The following OSBPL1A variants were observed in gnomAD, a reference collection of about 807,000 sequenced individuals.
OSBPL1A encodes oxysterol binding protein like 1A.
OSBPL1A carries 80 observed loss-of-function variants against 137.1 expected under a neutral mutation model. The ratio of observed to expected loss-of-function variants is 0.58; its 90% confidence interval spans 0.49 to 0.70. OSBPL1A has a LOEUF of 0.70. Among genes scored for constraint, OSBPL1A ranks in the 30% least tolerant of loss-of-function variants. OSBPL1A has a pLI of 0.00. For synonymous variants in OSBPL1A, 365 were observed against 389.7 expected (o/e 0.94, Z 0.75); for missense variants, 970 against 1,129.4 (o/e 0.86, Z 2.02).
At chr18:24,350,342 G>A (rs1041415009) in intron 4 of OSBPL1A, among the ~76,000 whole-genome samples, 1 of 152,204 alleles carries the variant, frequency 6.6e-6, no homozygotes, top group African/African-American at 2.4e-5. Flanking sequence ...GAAGAAATCT[G>A]AGTATTTGAG....
intron 15 of OSBPL1A, among the ~76,000 whole-genome samples, chr18:24,273,393 CA>C: frequency 1.3e-5 from 2 of 152,270 alleles, no homozygotes; most frequent in Admixed American, 1.3e-4. Flanking sequence ...AAACAATGAA[CA>C]ACAAATTACC....
At chr18:24,315,446 A>G (rs958334032) in intron 11 of OSBPL1A, among the ~76,000 whole-genome samples, 7 of 151,560 alleles carry the variant, frequency 4.6e-5, no homozygotes, top group African/African-American at 1.7e-4. Context: ...CCCAAGACAC[A>G]TAGCTCATAA....
At chr18:24,226,730 C>G (rs560091585) in intron 16 of OSBPL1A, among the ~76,000 whole-genome samples, 1 of 152,256 alleles carries the variant, frequency 6.6e-6, no homozygotes, top group Admixed American at 6.5e-5. Context: ...TTAGATAATG[C>G]ACCTTTGGCT....
chr18:24,172,542 T>C (rs2086315662), intron 21 of OSBPL1A, 59 bp from the exon 22 acceptor site: 1 of 1,231,294 alleles, frequency 8.1e-7, no homozygotes, highest in Non-Finnish European at 1.2e-6. Flanking sequence ...GTTTAAAAAG[T>C]ACACTTGTTC....
At chr18:24,339,061 T>G (rs2091231058) in intron 5 of OSBPL1A, among the ~76,000 whole-genome samples, 1 of 152,008 alleles carries the variant, frequency 6.6e-6, no homozygotes. Context: ...AACTTCCGCC[T>G]CCCGGGTTCA....
chr18:24,388,058 A>G (rs1907056923), intron 1 of OSBPL1A, among the ~76,000 whole-genome samples: 1 of 152,074 alleles, frequency 6.6e-6, no homozygotes, highest in Admixed American at 6.6e-5. Context: ...AGAACTTTTA[A>G]ATGTTATAAG....
intron 5 of OSBPL1A, among the ~76,000 whole-genome samples, chr18:24,336,973 AG>A (rs1416633456): frequency 6.6e-6 from 1 of 152,176 alleles, no homozygotes; most frequent in Non-Finnish European, 1.5e-5. Flanking sequence ...TTAATTACAA[AG>A]GGAAAAGATG....
intron 19 of OSBPL1A, among the ~76,000 whole-genome samples, chr18:24,180,461 TTGTGTGTGTGTGTGTG>T (rs57229701): frequency 6.7e-6 from 1 of 150,140 alleles, no homozygotes; most frequent in East Asian, 2.0e-4. Context: ...TTTTTCTATT[TTGTGTGTGTGTGTGTG>T]TGTGTGTATG....
At chr18:24,358,430 C>G (rs571705368) in intron 4 of OSBPL1A, 2 of 701,394 alleles carry the variant, frequency 2.9e-6, no homozygotes, top group Non-Finnish European at 5.2e-6. Flanking sequence ...TCTTCCCCAC[C>G]CTCGTGCACA....
intron 1 of OSBPL1A, among the ~76,000 whole-genome samples, chr18:24,381,392 G>A (rs1010098911): frequency 2.6e-5 from 4 of 152,188 alleles, no homozygotes; most frequent in Non-Finnish European, 5.9e-5. Flanking sequence ...GCTAAAACCG[G>A]ATTTTACAAG....
intron 16 of OSBPL1A, among the ~76,000 whole-genome samples, chr18:24,236,911 G>A (rs893015002): frequency 2.0e-5 from 3 of 152,112 alleles, no homozygotes; most frequent in South Asian, 2.1e-4. Flanking sequence ...GCTGCTAGAC[G>A]TCTATCAAGA....
chr18:24,165,050 G>A lies in OSBPL1A; in HGVS notation c.2750+15C>T. 9 of 1,613,754 alleles carry A rather than the reference G, an allele frequency of 5.6e-6. 1 individual carries two copies. Among genetic ancestry groups the A allele is most frequent in the Non-Finnish European group, 6.8e-6 (8 of 1,179,786 alleles). ...GCCTGAGGGCTCAGCCACACCCCCT[G>A]ACTCAGGCACGCACCTCGTCTTCCA... On this transcript the variant is annotated intron_variant, in intron 27 of 27. Coordinates refer to ENST00000319481, the MANE Select transcript of OSBPL1A (RefSeq NM_080597.4).
chr18:24,280,598 A>G lies in OSBPL1A; in HGVS notation c.1281+244T>C, dbSNP rs565227703. ...GAAGTGTCATAACAATCCTGAGTAGATCAATTTTAAGTATACTTATTAAAT... is the reference window on the plus strand; with the variant it reads ...GAAGTGTCATAACAATCCTGAGTAGGTCAATTTTAAGTATACTTATTAAAT... On this transcript the variant is annotated intron_variant, in intron 15 of 27. Transcript: ENST00000319481. Among the ~76,000 whole-genome samples, 6 of 152,346 alleles carry G rather than the reference A, an allele frequency of 3.9e-5. No individual in the cohort carries two copies. The South Asian group carries it at 1.2e-3, about 32-fold the overall frequency.
chr18:24,237,028 C>T (rs1599542996), intron 16 of OSBPL1A, among the ~76,000 whole-genome samples: 1 of 152,062 alleles, frequency 6.6e-6, no homozygotes, highest in East Asian at 1.9e-4. Flanking sequence ...ATTTCTAAGA[C>T]AAGTTGTCAG....
In OSBPL1A at chr18:24,312,845, A is replaced by G. The variant is rs1178160568; in HGVS notation, c.970-739T>C. 3.3e-5 allele frequency among the ~76,000 whole-genome samples: 5 copies of G among 152,256 alleles called. No homozygotes were observed. The East Asian group carries it at 7.7e-4, about 23-fold the overall frequency. On this transcript the variant is annotated intron_variant, in intron 12 of 27. Transcript: ENST00000319481. The stretch of plus-strand genomic sequence containing the variant: ...ATGAACACTGCTTTGATTTAAAAGA[A>G]TAAGAATAGGCCTGCCGCGGTGGCT...
chr18:24,330,268 G>A (rs2091052345), intron 7 of OSBPL1A, among the ~76,000 whole-genome samples: 1 of 151,944 alleles, frequency 6.6e-6, no homozygotes, highest in African/African-American at 2.4e-5. Flanking sequence ...CAGCAAACTG[G>A]GGATTTCACC....
intron 24 of OSBPL1A, among the ~76,000 whole-genome samples, chr18:24,167,886 C>G (rs1467151423): frequency 6.6e-6 from 1 of 152,182 alleles, no homozygotes; most frequent in Non-Finnish European, 1.5e-5. Context: ...GACACTGTGA[C>G]TTTCTAATTC....
Position 24,181,257 on chromosome 18 carries a change from G to A in OSBPL1A, c.1700C>T (p.Pro567Leu). 1 of 1,614,052 alleles carries A rather than the reference G, an allele frequency of 6.2e-7. No individual in the cohort carries two copies. Among genetic ancestry groups the A allele is most frequent in the Non-Finnish European group, 8.5e-7 (1 of 1,179,998 alleles). The change falls in exon 19 of 28, where the codon CCA (proline) becomes CTA (leucine). Residue 567 changes from proline (P) to leucine (L), a missense_variant. Around this residue, in one of 2 missense-constraint regions of OSBPL1A, gnomAD observed 647 missense variants for 672.6 expected, o/e 0.96. Coordinates refer to ENST00000319481, the MANE Select transcript of OSBPL1A (RefSeq NM_080597.4). ...IGMELSKITM[P>L]VIFNEPLSFL... is the part of the protein sequence containing the mutation. ...GCTCAGAGGCTCATTAAATATAACT[G>A]GCATCGTGATCTTGGATAGTTCCTA...
At chr18:24,210,857 T>G (rs2087517658) in intron 17 of OSBPL1A, among the ~76,000 whole-genome samples, 1 of 152,112 alleles carries the variant, frequency 6.6e-6, no homozygotes, top group South Asian at 2.1e-4. Flanking sequence ...TAATGTGGAT[T>G]TTATCTATTG....
Sources: gnomAD v4.1 joint callset for allele counts (sites outside exome capture counted in the v4.1 genomes callset) on GRCh38, gnomAD v4.1.1 for gene constraint, gnomAD v4.1.1 regional missense constraint, MANE v1.5 for transcripts, NCBI Gene and HGNC (gene_info 2026-07-23, HGNC 2026-07-21) for gene names.